SSPN: variants seen among roughly 807,000 people sequenced by gnomAD.
SSPN encodes the protein K-ras oncogene-associated protein.
SSPN carries 15 observed loss-of-function variants against 19.1 expected under a neutral mutation model. The observed-to-expected ratio is 0.78, with a 90% CI of 0.52 to 1.21. The LOEUF is 1.21. SSPN is among the 50% of genes most tolerant of loss of function. The probability of loss-of-function intolerance (pLI) is 0.00; values close to 1 mark genes in which losing one functional copy is unlikely to be tolerated. For missense variants in SSPN, 291 were observed against 314.0 expected, an observed-to-expected ratio of 0.93 and a Z score of 0.55; for synonymous variants, 147 against 140.3, an observed-to-expected ratio of 1.05 and a Z score of -0.34.
rs4462439 is a variant in SSPN, at chr12:26,148,273, C to T, written c.-31+26121C>T. Among the ~76,000 whole-genome samples the T allele has an allele frequency of 1.3e-3, 202 of 152,286 alleles. 4 individuals are homozygous for T. The highest frequency in any genetic ancestry group is 4.6e-3 in the African/African-American group (191 of 41,544). On this transcript the variant is annotated intron_variant, in intron 1 of 2. Transcript: ENST00000538142. ...TATTTTGGGGTGACTAGCTTCTTCCCGAGATCTGAATTGGGTGATTGGCCT... is the reference window on the plus strand; with the variant it reads ...TATTTTGGGGTGACTAGCTTCTTCCTGAGATCTGAATTGGGTGATTGGCCT...
chr12:26,195,818 G>A lies in SSPN; in HGVS notation c.146G>A (p.Gly49Asp). 1 of 1,537,798 alleles carries A rather than the reference G, an allele frequency of 6.5e-7. No homozygotes were observed. The change falls in exon 1 of 3, where the codon GGC (glycine) becomes GAC (aspartate). Residue 49 changes from glycine to aspartate, a missense_variant. By Grantham distance (94) the Gly-to-Asp change is moderately conservative. Around this residue, in one of 3 missense-constraint regions of SSPN, gnomAD observed 139 missense variants for 119.6 expected, o/e 1.16. Transcript: ENST00000242729. ...GAGGAGGAGCCCCGGACCTGCTGCG[G>A]CTGCCGGTTCCCGCTGCTGCTCGCC... Reference protein sequence around the residue: ...CGEEEPRTCCGCRFPLLLALL... With the variant: ...CGEEEPRTCCDCRFPLLLALL...
At chr12:26,209,986 C>T (rs764578637) in intron 1 of SSPN, among the ~76,000 whole-genome samples, 3 of 152,098 alleles carry the variant, frequency 2.0e-5, no homozygotes, top group Admixed American at 6.6e-5. Flanking sequence ...ATGGGTTTGT[C>T]TTGCCATATG....
At chr12:26,192,530 G>T (rs186262944), upstream of SSPN, among the ~76,000 whole-genome samples, 3 of 152,274 alleles carry the variant, frequency 2.0e-5, no homozygotes, top group Admixed American at 2.0e-4. Context: ...ATCACTATTT[G>T]ACAGTAACTT....
At chr12:26,201,547 G>T (rs906771137) in intron 1 of SSPN, among the ~76,000 whole-genome samples, 3 of 151,842 alleles carry the variant, frequency 2.0e-5, no homozygotes, top group Admixed American at 2.0e-4. Flanking sequence ...TAAGCCTGAT[G>T]TGCAAAGGCC....
upstream of SSPN, among the ~76,000 whole-genome samples, chr12:26,193,535 T>C (rs1435444502): frequency 6.6e-6 from 1 of 152,228 alleles, no homozygotes; most frequent in African/African-American, 2.4e-5. Flanking sequence ...TGACTTTCTA[T>C]AAATATTTAC....
At chr12:26,204,067 C>T (rs1235271543) in intron 1 of SSPN, among the ~76,000 whole-genome samples, 1 of 152,174 alleles carries the variant, frequency 6.6e-6, no homozygotes, top group East Asian at 1.9e-4. Context: ...TACGGGGACA[C>T]AATTCAGTCC....
chr12:26,229,636 C>T (rs2137520396), intron 2 of SSPN, among the ~76,000 whole-genome samples: 1 of 152,312 alleles, frequency 6.6e-6, no homozygotes, highest in African/African-American at 2.4e-5. Flanking sequence ...ACTAATATTA[C>T]TTTGTGAAGT....
chr12:26,187,955 A>C (rs875295), intron 1 of SSPN, among the ~76,000 whole-genome samples: 36,179 of 152,106 alleles, frequency 0.24, 4,730 homozygotes, highest in East Asian at 0.35. Flanking sequence ...CAGAAAGATA[A>C]TGCATGGGAA....
intron 1 of SSPN, chr12:26,124,435 T>G (rs1418186697): frequency 6.9e-7 from 1 of 1,442,446 alleles, no homozygotes; most frequent in African/African-American, 1.4e-5. Context: ...GGAATATATT[T>G]GCGGGCAGAG....
chr12:26,213,095 A>T (rs1015485567), intron 1 of SSPN, among the ~76,000 whole-genome samples: 6 of 151,324 alleles, frequency 4.0e-5, no homozygotes, highest in Non-Finnish European at 8.8e-5. Context: ...TGAGGATCTC[A>T]TATGGCCAGA....
intron 1 of SSPN, chr12:26,122,300 AGCG>A (rs1266833600): frequency 8.3e-5 from 96 of 1,163,602 alleles, no homozygotes; most frequent in East Asian, 7.5e-4. Context: ...CGGCGGCGGC[AGCG>A]GCGGCGGCGG....
intron 2 of SSPN, 142 bp downstream of exon 2, chr12:26,224,521 G>A: frequency 2.9e-6 from 2 of 697,508 alleles, no homozygotes; most frequent in South Asian, 3.4e-5. Flanking sequence ...TGTTTTAAGA[G>A]GGCATTGATC....
At position 26,123,988 on chromosome 12, in the gene SSPN, A is replaced by G. The variant is rs1944338916; in HGVS notation, c.-31+1836A>G. On this transcript the variant is annotated intron_variant, in intron 1 of 2. Transcript: ENST00000538142. Reference sequence around the variant, plus strand: ...TTTTAAGTCAGGAACTTATATTTACATTTATTCTTATATTTTCTGGGAGTC... The same window carrying G: ...TTTTAAGTCAGGAACTTATATTTACGTTTATTCTTATATTTTCTGGGAGTC... 1.3e-5 allele frequency: 13 copies of G among 1,011,610 alleles called. No individual in the cohort carries two copies. In the East Asian group the frequency reaches 2.7e-4, roughly 21 times the overall value. The allele number at this position is 1,011,610 out of a possible 1,614,324, so 62.7% of individuals were successfully genotyped here. A position where few individuals can be genotyped will look rare whatever the true frequency, so the allele number is the denominator to read the frequency against.
upstream of SSPN, among the ~76,000 whole-genome samples, chr12:26,190,941 A>G (rs574901452): frequency 6.6e-6 from 1 of 152,324 alleles, no homozygotes; most frequent in African/African-American, 2.4e-5. Flanking sequence ...CAACTCCTCA[A>G]TCACTTTTTA....
intron 1 of SSPN, chr12:26,122,908 A>C (rs1266757392): frequency 6.5e-7 from 1 of 1,549,612 alleles, no homozygotes; most frequent in Non-Finnish European, 8.7e-7. Flanking sequence ...CGCTCCAGGC[A>C]GGGGGCGGCC....
intron 1 of SSPN, among the ~76,000 whole-genome samples, chr12:26,127,044 A>C (rs1050497267): frequency 6.6e-6 from 1 of 152,124 alleles, no homozygotes; most frequent in Non-Finnish European, 1.5e-5. Context: ...TTTTTAATTG[A>C]CTAAAAATGG....
chr12:26,186,527 A>G (rs1309028662), intron 1 of SSPN, among the ~76,000 whole-genome samples: 1 of 152,190 alleles, frequency 6.6e-6, no homozygotes, highest in Non-Finnish European at 1.5e-5. Flanking sequence ...TTCCCACACA[A>G]GTTGACAAAA....
At chr12:26,139,177 A>G (rs1035117367) in intron 1 of SSPN, among the ~76,000 whole-genome samples, 8 of 152,296 alleles carry the variant, frequency 5.3e-5, no homozygotes, top group Middle Eastern at 3.4e-3. Context: ...TGTGAATCCC[A>G]TATAGCCAAC....
At chr12:26,122,752 C>G (rs1944323747) in intron 1 of SSPN, 1 of 1,597,262 alleles carries the variant, frequency 6.3e-7, no homozygotes, top group Non-Finnish European at 8.5e-7. Context: ...GCGCCTTTGC[C>G]TTTCTCGCGG....
Sources: gnomAD v4.1 joint callset for allele counts (sites outside exome capture counted in the v4.1 genomes callset) on GRCh38, gnomAD v4.1.1 for gene constraint, gnomAD v4.1.1 regional missense constraint, MANE v1.5 for transcripts, NCBI Gene and HGNC (gene_info 2026-07-23, HGNC 2026-07-21) for gene names.